The following ZCCHC9 variants were observed in gnomAD, a reference collection of about 807,000 sequenced individuals.
The protein encoded by ZCCHC9 is zinc finger CCHC domain-containing protein 9.
ZCCHC9 carries 18 observed loss-of-function variants against 30.8 expected under a neutral mutation model. The observed-to-expected ratio is 0.58, with a 90% confidence interval of 0.40 to 0.87. The LOEUF is 0.87. Among genes scored for constraint, ZCCHC9 ranks in the 40% least tolerant of loss-of-function variants. The pLI is 0.00. For synonymous variants in ZCCHC9, 94 were observed against 106.7 expected (o/e 0.88, Z 0.73); for missense variants, 279 against 331.2 (o/e 0.84, Z 1.22).
At position 81,305,122 on chromosome 5, in the gene ZCCHC9, C is replaced by T. The variant is rs770432170; in HGVS notation, c.365C>T (p.Ala122Val). The T allele has an allele frequency of 9.4e-6, 15 of 1,592,856 alleles. No homozygotes were observed. The highest frequency in any genetic ancestry group is 6.7e-5 in the East Asian group (3 of 44,822). Residue 122 changes from alanine (A) to valine (V), a missense_variant, in exon 2 of 6, where the codon GCG (alanine) becomes GTG (valine). By Grantham distance (64) the Ala-to-Val change is moderately conservative. Coordinates refer to ENST00000407610, the MANE Select transcript of ZCCHC9 (RefSeq NM_001131035.2). ...RREGRRLKRQAAKKNAMVCFH... is the reference protein window; with the variant it reads ...RREGRRLKRQVAKKNAMVCFH... ...GAAGGAAGAAGATTAAAAAGACAAG[C>T]GGCAAAGAAAAATGCAATGGTGAGA...
intron 4 of ZCCHC9, 54 bp downstream of exon 4, chr5:81,309,092 A>G: frequency 7.5e-7 from 1 of 1,324,994 alleles, no homozygotes; most frequent in Non-Finnish European, 1.0e-6. Flanking sequence ...TGCAGTTGTG[A>G]TTTAATTTAC....
chr5:81,303,600 GCTT>G (rs1314493672), intron 1 of ZCCHC9: 1 of 155,888 alleles, frequency 6.4e-6, no homozygotes, highest in African/African-American at 2.4e-5. Context: ...TATAATAACT[GCTT>G]TTTTCTGGAA....
At chr5:81,309,185 T>C (rs958520905) in intron 4 of ZCCHC9, 147 bp downstream of exon 4, 30 of 550,270 alleles carry the variant, frequency 5.5e-5, no homozygotes, top group Non-Finnish European at 8.8e-5. Context: ...TGCTATCATA[T>C]GTACTAGGCT....
chr5:81,305,228 C>A (rs1196127220), intron 2 of ZCCHC9, 87 bp downstream of exon 2: 18 of 1,481,168 alleles, frequency 1.2e-5, no homozygotes, highest in Non-Finnish European at 1.4e-5. Context: ...TTAGCCAGCT[C>A]TGGTTACCAT....
At chr5:81,309,106 C>A in intron 4 of ZCCHC9, 68 bp downstream of exon 4, 1 of 1,140,668 alleles carries the variant, frequency 8.8e-7, no homozygotes, top group South Asian at 1.6e-5. Context: ...AATTTACACT[C>A]AATCACAGTT....
chr5:81,302,442 G>C (rs1757984477), intron 1 of ZCCHC9: 1 of 152,264 alleles, frequency 6.6e-6, no homozygotes, highest in Non-Finnish European at 1.5e-5. Flanking sequence ...CTGCACTCCA[G>C]GTTGGGCTAC....
At chr5:81,308,830 AGATT>A in intron 3 of ZCCHC9, 112 bp from the exon 4 acceptor site, 1 of 1,405,712 alleles carries the variant, frequency 7.1e-7, no homozygotes, top group Non-Finnish European at 9.5e-7. Context: ...AAATCATATG[AGATT>A]AAATTTTAAG....
intron 4 of ZCCHC9, 79 bp downstream of exon 4, chr5:81,309,117 C>G: frequency 9.2e-7 from 1 of 1,090,472 alleles, no homozygotes; most frequent in East Asian, 2.5e-5. Context: ...AATCACAGTT[C>G]TTGAATAAAT....
Position 81,304,945 on chromosome 5 carries a change from A to G in ZCCHC9, c.188A>G (p.Lys63Arg). 6.2e-7 allele frequency: 1 copy of G among 1,613,666 alleles called. No homozygotes were observed. Among genetic ancestry groups the G allele is most frequent in the Non-Finnish European group, 8.5e-7 (1 of 1,179,924 alleles). ...APQAKHKKNK[K>R]KKEYLNEDVN... is the part of the protein sequence containing the mutation. ...CAAGCAAAACATAAAAAGAACAAAA[A>G]GAAAAAAGAGTACTTAAATGAAGAT... The change falls in exon 2 of 6, where the codon AAG (lysine) becomes AGG (arginine). Residue 63 changes from lysine (K) to arginine (R), a missense_variant. Physicochemically the swap from Lys to Arg is conservative, Grantham distance 26 (BLOSUM62 2). Coordinates refer to ENST00000407610, the MANE Select transcript of ZCCHC9 (RefSeq NM_001131035.2).
chr5:81,310,851 T>G (rs889060579), intron 4 of ZCCHC9, among the ~76,000 whole-genome samples: 6 of 152,232 alleles, frequency 3.9e-5, no homozygotes, highest in African/African-American at 1.4e-4. Flanking sequence ...GTGCATCTGC[T>G]TACATCTTTT....
chr5:81,304,625 A>G, intron 1 of ZCCHC9, 116 bp from the exon 2 acceptor site: 2 of 843,936 alleles, frequency 2.4e-6, no homozygotes, highest in Non-Finnish European at 3.5e-6. Flanking sequence ...TGTTTTAATA[A>G]TTAAAAGTTT....
chr5:81,308,408 G>A (rs1758151893), intron 2 of ZCCHC9, 153 bp from the exon 3 acceptor site: 1 of 918,154 alleles, frequency 1.1e-6, no homozygotes, highest in Non-Finnish European at 1.5e-6. Context: ...TCGTTGTTTA[G>A]GAACGTATGA....
Position 81,312,503 on chromosome 5 carries a change from T to C in ZCCHC9, c.698-41T>C, listed in dbSNP as rs768087740. 7 of 1,502,012 alleles carry C rather than the reference T, an allele frequency of 4.7e-6. No homozygotes were observed. In the South Asian group the frequency reaches 6.9e-5, roughly 15 times the overall value. The allele number at this position is 1,502,012 out of a possible 1,614,324, so 93.0% of individuals were successfully genotyped here. A position where few individuals can be genotyped will look rare whatever the true frequency, so the allele number is the denominator to read the frequency against. The stretch of plus-strand genomic sequence containing the variant: ...AACAATCTGAGTGGATGCATTTGAT[T>C]ACTGTTTTTCTAACATTCTGATTTT... On this transcript the variant is annotated intron_variant, in intron 5 of 5. Transcript: ENST00000407610.
chr5:81,309,143 A>G lies in ZCCHC9; in HGVS notation c.628+105A>G, dbSNP rs111440349. 123 of 854,396 alleles carry G rather than the reference A, an allele frequency of 1.4e-4. 1 individual carries two copies. In the African/African-American group the frequency reaches 2.0e-3, roughly 14 times the overall value. The allele number at this position is 854,396 out of a possible 1,614,324, so 52.9% of individuals were successfully genotyped here. ...TTGAATAAATTCTTGAATAAATTGC[A>G]AAACCTTGAGAATTACATTATTTTT... On this transcript the variant is annotated intron_variant, in intron 4 of 5. Transcript: ENST00000407610.
rs761312415 is a variant in ZCCHC9, at chr5:81,304,963, A to G, written c.206A>G (p.Asn69Ser). 7.4e-6 allele frequency: 12 copies of G among 1,613,918 alleles called. No individual in the cohort carries two copies. Among genetic ancestry groups the G allele is most frequent in the Admixed American group, 1.7e-5 (1 of 59,978 alleles). ...KKNKKKKEYLNEDVNGFMEYL... is the reference protein window; with the variant it reads ...KKNKKKKEYLSEDVNGFMEYL... ...AACAAAAAGAAAAAAGAGTACTTAA[A>G]TGAAGATGTGAATGGATTCATGGAA... is the stretch of plus-strand genomic sequence containing the variant. The change falls in exon 2 of 6, where the codon AAT becomes AGT. Residue 69 changes from asparagine (N) to serine (S), a missense_variant. Asn to Ser is a conservative substitution (Grantham distance 46). Coordinates refer to ENST00000407610, the MANE Select transcript of ZCCHC9 (RefSeq NM_001131035.2).
intron 1 of ZCCHC9, chr5:81,303,337 C>T (rs192021445): frequency 2.6e-5 from 4 of 152,390 alleles, no homozygotes; most frequent in East Asian, 3.9e-4. Context: ...CCACCATACC[C>T]GGCCCACTCT....
At position 81,312,764 on chromosome 5, in the gene ZCCHC9, G is replaced by GTAGA; in HGVS notation, c.*105_*108dup. 2.5e-6 allele frequency: 2 copies of GTAGA among 794,416 alleles called. No individual in the cohort carries two copies. Among genetic ancestry groups the GTAGA allele is most frequent in the South Asian group, 3.4e-5 (2 of 58,384 alleles). The allele number at this position is 794,416 out of a possible 1,614,324, so 49.2% of individuals were successfully genotyped here. On this transcript the variant is annotated 3_prime_UTR_variant, in exon 6 of 6. Transcript: ENST00000407610. ...GCTCCCCTGTAGCCAGGACTATGCT[G>GTAGA]TAGATATCAGTATGATCTGGGTGTG... is the stretch of plus-strand genomic sequence containing the variant.
intron 4 of ZCCHC9, among the ~76,000 whole-genome samples, chr5:81,309,859 T>C (rs1758219576): frequency 6.6e-6 from 1 of 152,236 alleles, no homozygotes; most frequent in African/African-American, 2.4e-5. Context: ...GAATGTATCT[T>C]ACCGTTGGTG....
chr5:81,302,031 A>G (rs1757971013), intron 1 of ZCCHC9: 1 of 152,312 alleles, frequency 6.6e-6, no homozygotes, highest in African/African-American at 2.4e-5. Flanking sequence ...TGACAGTCGC[A>G]TAAACTTCAG....
Sources: allele counts gnomAD v4.1 joint callset (sites outside exome capture counted in the v4.1 genomes callset), GRCh38; gene constraint gnomAD v4.1.1; transcripts MANE v1.5; gene names NCBI Gene and HGNC (gene_info 2026-07-23, HGNC 2026-07-21).